GALNTL6: variants seen among roughly 807,000 people sequenced by gnomAD.
The protein encoded by GALNTL6 is polypeptide N-acetylgalactosaminyltransferase-like 6.
GALNTL6 carries 46 observed loss-of-function variants against 73.7 expected under a neutral mutation model. That is an observed-to-expected ratio of 0.62 (90% CI 0.49 to 0.80). The LOEUF is 0.80. GALNTL6 is among the 30% of genes least tolerant of loss of function. The pLI, the probability that GALNTL6 is intolerant of heterozygous loss-of-function variation, is 0.00. For synonymous variants in GALNTL6, 259 were observed against 263.7 expected, an observed-to-expected ratio of 0.98 and a Z score of 0.17; for missense variants, 604 against 755.0, an observed-to-expected ratio of 0.80 and a Z score of 2.34.
At chr4:171,996,502 A>G (rs1314577167) in intron 2 of GALNTL6, among the ~76,000 whole-genome samples, 1 of 152,076 alleles carries the variant, frequency 6.6e-6, no homozygotes, top group Non-Finnish European at 1.5e-5. Context: ...TTCTTAGTAG[A>G]GGTAGCTAAA....
chr4:173,015,894 A>T (rs1298040788), intron 11 of GALNTL6, among the ~76,000 whole-genome samples: 1 of 152,216 alleles, frequency 6.6e-6, no homozygotes, highest in Non-Finnish European at 1.5e-5. Context: ...CCAGAGGTCT[A>T]GGAGTCAAAA....
At chr4:172,996,622 ATTGTTCCAT>A (rs1484277155) in intron 10 of GALNTL6, among the ~76,000 whole-genome samples, 3 of 152,176 alleles carry the variant, frequency 2.0e-5, no homozygotes, top group African/African-American at 7.2e-5. Context: ...AAAAACACAA[ATTGTTCCAT>A]ATGCTCTGTT....
Position 172,754,142 on chromosome 4 carries a change from A to G in GALNTL6, c.554-55219A>G, listed in dbSNP as rs527701030. Among the ~76,000 whole-genome samples, 21 of 152,096 alleles carry G rather than the reference A, an allele frequency of 1.4e-4. No individual in the cohort carries two copies. The South Asian group carries it at 4.4e-3, about 32-fold the overall frequency. ...TTTGGAATATTGTGTAGGTCTTCTT[A>G]TCACTCAAACTCCTTCCATATTCTT... On this transcript the variant is annotated intron_variant, in intron 5 of 12. Transcript: ENST00000506823.
intron 10 of GALNTL6, among the ~76,000 whole-genome samples, chr4:172,988,140 C>T (rs1372020448): frequency 6.6e-6 from 1 of 152,142 alleles, no homozygotes; most frequent in African/African-American, 2.4e-5. Flanking sequence ...TTGAATCTTC[C>T]TAGAGACTTA....
chr4:171,917,787 G>A (rs879598763), intron 2 of GALNTL6, among the ~76,000 whole-genome samples: 16 of 151,982 alleles, frequency 1.1e-4, no homozygotes, highest in Admixed American at 2.0e-4. Flanking sequence ...CTTAGATGTA[G>A]AAACAACCAA....
At chr4:172,498,670 T>C (rs1459206083) in intron 5 of GALNTL6, among the ~76,000 whole-genome samples, 1 of 152,170 alleles carries the variant, frequency 6.6e-6, no homozygotes, top group East Asian at 1.9e-4. Flanking sequence ...TAAGTGCAGA[T>C]GAGAATCACA....
chr4:172,590,491 G>T (rs1737591852), intron 5 of GALNTL6, among the ~76,000 whole-genome samples: 1 of 152,132 alleles, frequency 6.6e-6, no homozygotes, highest in South Asian at 2.1e-4. Context: ...TTTGGGATCA[G>T]TATCCAGCCT....
At chr4:172,361,971 A>AT (rs2111241021) in intron 5 of GALNTL6, among the ~76,000 whole-genome samples, 1 of 152,208 alleles carries the variant, frequency 6.6e-6, no homozygotes, top group East Asian at 1.9e-4. Flanking sequence ...GCACTCAATA[A>AT]ATTTTGACCA....
At chr4:172,872,556 T>G (rs1421639366) in intron 7 of GALNTL6, among the ~76,000 whole-genome samples, 1 of 152,186 alleles carries the variant, frequency 6.6e-6, no homozygotes, top group Admixed American at 6.5e-5. Flanking sequence ...TGCAGAAATA[T>G]CCATCCAAAT....
In GALNTL6 at chr4:171,864,996, A is replaced by T. The variant is rs192670135; in HGVS notation, c.138+50278A>T. ...ACCCCATCTCTACTAAAAATACAAA[A>T]TTAGCCGGGCATGGTGGTGTGCACC... On this transcript the variant is annotated intron_variant, in intron 2 of 12. Coordinates refer to ENST00000506823, the MANE Select transcript of GALNTL6 (RefSeq NM_001034845.3). 1.9e-3 allele frequency among the ~76,000 whole-genome samples: 288 copies of T among 152,194 alleles called. 4 individuals carry two copies. In the Middle Eastern group the frequency reaches 0.031, roughly 16 times the overall value.
In GALNTL6 at chr4:172,097,460, C is replaced by A. The variant is rs139883268; in HGVS notation, c.139-132196C>A. 5.9e-5 allele frequency among the ~76,000 whole-genome samples: 9 copies of A among 152,290 alleles called. No individual in the cohort carries two copies. In the East Asian group the frequency reaches 1.7e-3, roughly 29 times the overall value. ...GGAAGGCAGGAGTCTGAGAGTGGAA[C>A]TTCTGGGAAAGGTTGTACTTTATTG... On this transcript the variant is annotated intron_variant, in intron 2 of 12. Transcript: ENST00000506823.
intron 2 of GALNTL6, among the ~76,000 whole-genome samples, chr4:171,912,524 C>T (rs1249462373): frequency 1.3e-5 from 2 of 152,096 alleles, no homozygotes; most frequent in Non-Finnish European, 2.9e-5. Flanking sequence ...TATGCATCAC[C>T]ACAAACATGT....
At chr4:172,350,719 AT>A (rs1301825662) in intron 5 of GALNTL6, among the ~76,000 whole-genome samples, 2 of 152,170 alleles carry the variant, frequency 1.3e-5, no homozygotes, top group African/African-American at 4.8e-5. Flanking sequence ...TTTATAATAC[AT>A]CATAATTTTT....
At chr4:172,302,086 G>T (rs1441812122) in intron 3 of GALNTL6, among the ~76,000 whole-genome samples, 1 of 152,166 alleles carries the variant, frequency 6.6e-6, no homozygotes, top group Admixed American at 6.5e-5. Flanking sequence ...CCCTTCCCCA[G>T]CCTCGCTGCT....
At chr4:172,714,877 A>G (rs900495992) in intron 5 of GALNTL6, among the ~76,000 whole-genome samples, 1 of 152,158 alleles carries the variant, frequency 6.6e-6, no homozygotes, top group Non-Finnish European at 1.5e-5. Flanking sequence ...TAAAATTGTG[A>G]TCCAAATATA....
At chr4:172,657,902 G>A (rs1403358702) in intron 5 of GALNTL6, among the ~76,000 whole-genome samples, 1 of 152,110 alleles carries the variant, frequency 6.6e-6, no homozygotes, top group African/African-American at 2.4e-5. Context: ...TGTAATCCCA[G>A]CACTTTGGGA....
At chr4:172,114,091 G>A (rs181334139) in intron 2 of GALNTL6, among the ~76,000 whole-genome samples, 7 of 152,140 alleles carry the variant, frequency 4.6e-5, no homozygotes, top group African/African-American at 1.7e-4. Context: ...TCAAAGAAAT[G>A]CCAACGTGAG....
At chr4:173,004,984 T>C (rs1228776737) in intron 10 of GALNTL6, among the ~76,000 whole-genome samples, 3 of 152,136 alleles carry the variant, frequency 2.0e-5, no homozygotes, top group African/African-American at 7.2e-5. Context: ...CTAAGGCTAG[T>C]CCCTCTCTAA....
chr4:172,094,947 TG>T (rs1228287602), intron 2 of GALNTL6, among the ~76,000 whole-genome samples: 1 of 151,858 alleles, frequency 6.6e-6, no homozygotes, highest in Non-Finnish European at 1.5e-5. Flanking sequence ...CATAGTTTTT[TG>T]TTTTTTGTTT....
Sources: allele counts gnomAD v4.1 joint callset (sites outside exome capture counted in the v4.1 genomes callset), GRCh38; gene constraint gnomAD v4.1.1; transcripts MANE v1.5; gene names NCBI Gene and HGNC (gene_info 2026-07-23, HGNC 2026-07-21).